Variants in SYNE1 observed in about 807,000 individuals in gnomAD.
The protein encoded by SYNE1 is spectrin repeat containing nuclear envelope protein 1.
Under a neutral mutation model 1,111.0 loss-of-function variants are expected in SYNE1, and 616 were observed. That is an observed-to-expected ratio of 0.55 (90% CI 0.52 to 0.59). SYNE1 has a LOEUF of 0.59. SYNE1 is among the 20% of genes least tolerant of loss of function. The pLI is 0.00. For synonymous variants in SYNE1, 3,855 were observed against 3,825.8 expected, an observed-to-expected ratio of 1.01 and a Z score of -0.28; for missense variants, 10,006 against 10,417.0, an observed-to-expected ratio of 0.96 and a Z score of 1.72.
At chr6:152,171,074 C>G (rs2065089565) in intron 130 of SYNE1, among the ~76,000 whole-genome samples, 1 of 152,220 alleles carries the variant, frequency 6.6e-6, no homozygotes, top group Non-Finnish European at 1.5e-5. Flanking sequence ...CCATGTGGAA[C>G]TGTGAGTCCA....
At chr6:152,472,062 G>A in intron 15 of SYNE1, 1 of 597,048 alleles carries the variant, frequency 1.7e-6, no homozygotes, top group South Asian at 2.1e-5. Flanking sequence ...CAAAAATACA[G>A]CCTCTGAAGA....
intron 11 of SYNE1, among the ~76,000 whole-genome samples, chr6:152,493,099 C>T (rs761883042): frequency 5.3e-5 from 8 of 152,054 alleles, no homozygotes; most frequent in Non-Finnish European, 8.8e-5. Flanking sequence ...CACCTGAACC[C>T]ACAAGTATGA....
At chr6:152,129,512 C>T (rs2054722027) in intron 145 of SYNE1, 1 of 151,008 alleles carries the variant, frequency 6.6e-6, no homozygotes, top group Admixed American at 6.6e-5. Context: ...CAAAAGTCCC[C>T]AAGAGTTTTT....
chr6:152,567,470 T>TAA (rs1171143877), intron 3 of SYNE1, among the ~76,000 whole-genome samples: 2 of 152,204 alleles, frequency 1.3e-5, no homozygotes, highest in African/African-American at 4.8e-5. Flanking sequence ...GAAGTATATA[T>TAA]AACAGATAAT....
At chr6:152,627,737 T>C (rs986624726) in intron 3 of SYNE1, among the ~76,000 whole-genome samples, 19 of 152,312 alleles carry the variant, frequency 1.2e-4, no homozygotes, top group Admixed American at 1.1e-3. Flanking sequence ...AGGACTAGTC[T>C]GTACCCTGCC....
intron 55 of SYNE1, among the ~76,000 whole-genome samples, chr6:152,384,270 T>C (rs2097483631): frequency 6.6e-6 from 1 of 152,192 alleles, no homozygotes; most frequent in South Asian, 2.1e-4. Context: ...TGAACTCTAA[T>C]AGTACAGTAA....
chr6:152,274,076 A>G (rs2093413173), intron 98 of SYNE1, among the ~76,000 whole-genome samples: 1 of 152,252 alleles, frequency 6.6e-6, no homozygotes, highest in Non-Finnish European at 1.5e-5. Context: ...CACTGAAAAT[A>G]GAAGAAAGCA....
intron 3 of SYNE1, among the ~76,000 whole-genome samples, chr6:152,562,236 C>G (rs1424444539): frequency 1.3e-5 from 2 of 152,000 alleles, no homozygotes; most frequent in Non-Finnish European, 2.9e-5. Flanking sequence ...AGAAAACGGG[C>G]AAAGGACCTG....
intron 79 of SYNE1, 89 bp from the exon 80 acceptor site, chr6:152,326,191 A>G (rs1590124446): frequency 6.2e-7 from 1 of 1,612,348 alleles, no homozygotes; most frequent in South Asian, 1.1e-5. Context: ...AATGATACTC[A>G]GGGAAAAATG....
chr6:152,370,130 A>AT (rs1312369525), intron 59 of SYNE1, among the ~76,000 whole-genome samples: 8 of 151,984 alleles, frequency 5.3e-5, no homozygotes, highest in African/African-American at 1.4e-4. Context: ...TGAAAATAGA[A>AT]TTTTTCCCCC....
At position 152,371,935 on chromosome 6, in the gene SYNE1, C is replaced by CAGGAAAGGAAAGGAAAGGAAAGGAA. The variant is rs202166129; in HGVS notation, c.9507+1077_9507+1101dup. ...AAGGAAAGGAAAGGACAGGACAGGACAGGAAAGGAAAGGAAAGGAAAGGAA... is the reference window on the plus strand; with the variant it reads ...AAGGAAAGGAAAGGACAGGACAGGACAGGAAAGGAAAGGAAAGGAAAGGAAAGGAAAGGAAAGGAAAGGAAAGGAA... On this transcript the variant is annotated intron_variant, in intron 59 of 145. Coordinates refer to ENST00000367255, the MANE Select transcript of SYNE1 (RefSeq NM_182961.4). 6.4e-5 allele frequency among the ~76,000 whole-genome samples: 4 copies of CAGGAAAGGAAAGGAAAGGAAAGGAA among 62,836 alleles called. 1 individual carries two copies. The highest frequency in any genetic ancestry group is 2.5e-4 in the African/African-American group (4 of 16,120). The allele number at this position is 62,836 out of a possible 152,430, so 41.2% of individuals were successfully genotyped here.
intron 130 of SYNE1, among the ~76,000 whole-genome samples, chr6:152,172,043 T>C (rs887721422): frequency 6.6e-6 from 1 of 152,252 alleles, no homozygotes; most frequent in African/African-American, 2.4e-5. Flanking sequence ...TTATAATAAA[T>C]ATAGAGATTA....
chr6:152,226,592 A>C (rs1184835539), intron 115 of SYNE1, among the ~76,000 whole-genome samples: 3 of 152,256 alleles, frequency 2.0e-5, no homozygotes, highest in African/African-American at 7.2e-5. Context: ...TCTGGAGCTC[A>C]TACTGAACCT....
chr6:152,366,770 A>G (rs1056454983), intron 62 of SYNE1, among the ~76,000 whole-genome samples: 3 of 152,238 alleles, frequency 2.0e-5, no homozygotes, highest in African/African-American at 4.8e-5. Flanking sequence ...GAAGGCACCC[A>G]GTATACAAAT....
In SYNE1 at chr6:152,206,369, G is replaced by A. The variant is rs752645910; in HGVS notation, c.22825-7C>T. 4 of 1,613,494 alleles carry A rather than the reference G, an allele frequency of 2.5e-6. No individual in the cohort carries two copies. Among genetic ancestry groups the A allele is most frequent in the South Asian group, 1.1e-5 (1 of 91,046 alleles). ...GAAACACTTTTTCTTTGAACTGAAA[G>A]GAACCATAGCTTTTTATTTTCTCAT... is the stretch of plus-strand genomic sequence containing the variant. On this transcript the variant is annotated splice_polypyrimidine_tract_variant and splice_region_variant and intron_variant, in intron 125 of 145. Transcript: ENST00000367255.
At chr6:152,387,519 A>G (rs1289826396) in intron 53 of SYNE1, 138 bp from the exon 54 acceptor site, 1 of 815,834 alleles carries the variant, frequency 1.2e-6, no homozygotes, top group East Asian at 2.6e-5. Context: ...TTTTGAGTGC[A>G]GGGAGAAACA....
intron 16 of SYNE1, among the ~76,000 whole-genome samples, chr6:152,470,821 T>C (rs1224177760): frequency 3.3e-5 from 5 of 152,196 alleles, no homozygotes; most frequent in Non-Finnish European, 4.4e-5. Flanking sequence ...TAAGATACTC[T>C]ATTAACATTA....
intron 28 of SYNE1, among the ~76,000 whole-genome samples, chr6:152,448,560 G>A (rs1431611679): frequency 6.6e-6 from 1 of 152,106 alleles, no homozygotes; most frequent in Non-Finnish European, 1.5e-5. Flanking sequence ...AAAAGAAATG[G>A]GCCAAGGGCA....
intron 3 of SYNE1, among the ~76,000 whole-genome samples, chr6:152,610,733 G>A (rs1202192560): frequency 6.6e-6 from 1 of 152,132 alleles, no homozygotes; most frequent in African/African-American, 2.4e-5. Flanking sequence ...AATGGTAAGG[G>A]CAGCCAGAGA....
Sources: gnomAD v4.1 joint callset for allele counts (sites outside exome capture counted in the v4.1 genomes callset) on GRCh38, gnomAD v4.1.1 for gene constraint, MANE v1.5 for transcripts, NCBI Gene and HGNC (gene_info 2026-07-23, HGNC 2026-07-21) for gene names.